Variants in TMEFF2 observed in about 807,000 individuals in gnomAD.
TMEFF2 encodes the protein transmembrane protein with EGF like and two follistatin like domains 2.
Under a neutral mutation model 53.8 loss-of-function variants are expected in TMEFF2, and 28 were observed. The observed-to-expected ratio is 0.52, with a 90% CI of 0.39 to 0.71. The LOEUF is 0.71. TMEFF2 is among the 30% of genes least tolerant of loss of function. TMEFF2 has a pLI of 0.00. For synonymous variants in TMEFF2, 162 were observed against 166.3 expected (o/e 0.97, Z 0.20); for missense variants, 353 against 455.2 (o/e 0.78, Z 2.04).
chr2:192,134,754 G>T (rs1204708224), intron 4 of TMEFF2, among the ~76,000 whole-genome samples: 1 of 152,030 alleles, frequency 6.6e-6, no homozygotes, highest in Non-Finnish European at 1.5e-5. Flanking sequence ...GTCTGAGAAG[G>T]CCACCGCAGC....
rs1331778682 is a variant in TMEFF2, at chr2:192,191,935, A to T, written c.227T>A (p.Phe76Tyr). 4.3e-6 allele frequency: 7 copies of T among 1,613,638 alleles called. No homozygotes were observed. Among genetic ancestry groups the T allele is most frequent in the Non-Finnish European group, 5.9e-6 (7 of 1,179,696 alleles). The change falls in exon 2 of 10, where the codon TTT becomes TAT. Residue 76 changes from phenylalanine (F) to tyrosine (Y), a missense_variant. By Grantham distance (22) the Phe-to-Tyr change is conservative. Transcript: ENST00000272771. ...TCCAATTCTTAAACATTCCCCATCA[A>T]ATTTACAGGTGTTGGTGTCACAGAG... ...LFLCDTNTCK[F>Y]DGECLRIGDT...
intron 4 of TMEFF2, among the ~76,000 whole-genome samples, chr2:192,107,595 C>T (rs1160037453): frequency 6.6e-6 from 1 of 151,718 alleles, no homozygotes; most frequent in Non-Finnish European, 1.5e-5. Context: ...TCTAGAATCT[C>T]ATATGCTGAT....
At chr2:192,028,200 C>T (rs980952095) in intron 5 of TMEFF2, among the ~76,000 whole-genome samples, 17 of 152,120 alleles carry the variant, frequency 1.1e-4, no homozygotes, top group African/African-American at 3.6e-4. Context: ...CTTGCTCCTC[C>T]TTGCCTTCTG....
chr2:192,057,840 C>G, intron 4 of TMEFF2, 65 bp from the exon 5 acceptor site: 2 of 1,298,672 alleles, frequency 1.5e-6, no homozygotes, highest in Non-Finnish European at 2.2e-6. Flanking sequence ...AACTCCAGGA[C>G]AATTCTTTAA....
intron 7 of TMEFF2, among the ~76,000 whole-genome samples, chr2:191,969,166 T>G (rs111265787): frequency 0.03 from 4,535 of 150,336 alleles, 79 homozygotes; most frequent in African/African-American, 0.038. Flanking sequence ...TATATATATA[T>G]AGAGAGAGAG....
intron 1 of TMEFF2, among the ~76,000 whole-genome samples, chr2:192,193,755 GAT>G (rs34954974): frequency 0.23 from 9,039 of 38,670 alleles, 838 homozygotes; most frequent in East Asian, 0.29. Context: ...GAGAGAGATA[GAT>G]AGATAGAGAG....
chr2:192,149,381 G>C (rs1690330240), intron 4 of TMEFF2, among the ~76,000 whole-genome samples: 1 of 151,934 alleles, frequency 6.6e-6, no homozygotes, highest in South Asian at 2.1e-4. Context: ...GAATGAGAGA[G>C]ACAAGCATAG....
chr2:192,158,377 T>TGTG (rs10672298), intron 4 of TMEFF2, among the ~76,000 whole-genome samples: 112,868 of 151,544 alleles, frequency 0.74, 43,665 homozygotes, highest in Non-Finnish European at 0.87. Flanking sequence ...TTATTTTTAA[T>TGTG]AAAGCTAGAC....
intron 2 of TMEFF2, among the ~76,000 whole-genome samples, chr2:192,186,375 G>A (rs1351560487): frequency 1.3e-5 from 2 of 152,304 alleles, no homozygotes; most frequent in Middle Eastern, 3.4e-3. Flanking sequence ...TAGTACGGAA[G>A]AGACCACAAA....
At chr2:192,158,548 C>T (rs1690560422) in intron 4 of TMEFF2, among the ~76,000 whole-genome samples, 1 of 152,072 alleles carries the variant, frequency 6.6e-6, no homozygotes, top group Admixed American at 6.6e-5. Flanking sequence ...ATATCACAAA[C>T]CCATGTAAAA....
chr2:191,998,836 G>A (rs552339627), intron 6 of TMEFF2, among the ~76,000 whole-genome samples: 1 of 151,946 alleles, frequency 6.6e-6, no homozygotes, highest in African/African-American at 2.4e-5. Context: ...TTATGGCATT[G>A]TGACAATACA....
chr2:192,103,361 T>A (rs1689077092), intron 4 of TMEFF2, among the ~76,000 whole-genome samples: 1 of 152,120 alleles, frequency 6.6e-6, no homozygotes, highest in South Asian at 2.1e-4. Flanking sequence ...TCATATCCTG[T>A]TCACACCTCT....
intron 7 of TMEFF2, among the ~76,000 whole-genome samples, chr2:191,965,596 G>T (rs1465671719): frequency 1.3e-5 from 2 of 152,100 alleles, no homozygotes; most frequent in Admixed American, 1.3e-4. Context: ...AATGCTAACA[G>T]TACTCAGAAG....
chr2:191,994,208 T>C (rs187223759), intron 7 of TMEFF2, among the ~76,000 whole-genome samples: 272 of 152,108 alleles, frequency 1.8e-3, no homozygotes, highest in African/African-American at 5.9e-3. Flanking sequence ...TCTGATTTTA[T>C]GTTTTCAATT....
intron 2 of TMEFF2, among the ~76,000 whole-genome samples, chr2:192,189,555 C>CAAA (rs58455898): frequency 7.3e-5 from 3 of 41,108 alleles, no homozygotes; most frequent in South Asian, 2.8e-3. Flanking sequence ...CCAAAAATTC[C>CAAA]AAAAAAAAAA....
chr2:192,109,307 G>A (rs1689222548), intron 4 of TMEFF2, among the ~76,000 whole-genome samples: 1 of 151,968 alleles, frequency 6.6e-6, no homozygotes, highest in Non-Finnish European at 1.5e-5. Flanking sequence ...GACATATACT[G>A]TTGATTCACA....
At chr2:191,990,372 T>G (rs1339257484) in intron 7 of TMEFF2, among the ~76,000 whole-genome samples, 1 of 151,546 alleles carries the variant, frequency 6.6e-6, no homozygotes, top group African/African-American at 2.4e-5. Flanking sequence ...ATTTGGGGCA[T>G]GTCAGACTCT....
Position 191,953,665 on chromosome 2 carries a change from G to A in TMEFF2, c.1028+14C>T, listed in dbSNP as rs1691959095. The A allele has an allele frequency of 6.2e-7, 1 of 1,612,022 alleles. No homozygotes were observed. The highest frequency in any genetic ancestry group is 1.3e-5 in the African/African-American group (1 of 74,844). The stretch of plus-strand genomic sequence containing the variant: ...ATCCCTTTATTTGGGTAGCCACCAA[G>A]TGCTGTTACTGACCTTGTGATGCAG... On this transcript the variant is annotated intron_variant, in intron 9 of 9. Coordinates refer to ENST00000272771, the MANE Select transcript of TMEFF2 (RefSeq NM_016192.4).
At chr2:192,070,109 CATTATTA>C (rs1688261825) in intron 4 of TMEFF2, among the ~76,000 whole-genome samples, 1 of 148,764 alleles carries the variant, frequency 6.7e-6, no homozygotes, top group African/African-American at 2.5e-5. Context: ...TAACCAGCAC[CATTATTA>C]TTTTTGTTTA....
Sources: gnomAD v4.1 joint callset for allele counts (sites outside exome capture counted in the v4.1 genomes callset) on GRCh38, gnomAD v4.1.1 for gene constraint, MANE v1.5 for transcripts, NCBI Gene and HGNC (gene_info 2026-07-23, HGNC 2026-07-21) for gene names.